CD300E: variants seen among roughly 807,000 people sequenced by gnomAD.
CD300E encodes CMRF35-like molecule 2.
A neutral mutation model predicts 20.9 loss-of-function variants in CD300E; 14 were observed. That is an observed-to-expected ratio of 0.67 (90% CI 0.44 to 1.05). CD300E has a LOEUF of 1.05. CD300E is among the 50% of genes least tolerant of loss of function. The pLI is 0.00. For synonymous variants in CD300E, 102 were observed against 103.7 expected (o/e 0.98, Z 0.10); for missense variants, 237 against 253.9 (o/e 0.93, Z 0.45).
At chr17:74,622,541 C>A (rs1035829884) in intron 1 of CD300E, among the ~76,000 whole-genome samples, 1 of 152,132 alleles carries the variant, frequency 6.6e-6, no homozygotes, top group African/African-American at 2.4e-5. Flanking sequence ...ATTCATTCTG[C>A]AAACATGAAG....
rs920016004 is a variant in CD300E, at chr17:74,612,509, A to G, written c.*144T>C. ...TGAGGACTCCAGAGGAGTGTCCTCT[A>G]AGAGCCAGGACCCTCCTTTGAGGCA... is the stretch of plus-strand genomic sequence containing the variant. On this transcript the variant is annotated 3_prime_UTR_variant, in exon 4 of 4. Transcript: ENST00000392619. The G allele has an allele frequency of 1.2e-5, 14 of 1,164,456 alleles. No homozygotes were observed. The South Asian group carries it at 1.3e-4, about 11-fold the overall frequency. 72.1% of individuals were successfully genotyped at this position (1,164,456 alleles called of 1,614,324 possible).
intron 2 of CD300E, among the ~76,000 whole-genome samples, chr17:74,614,364 C>A (rs1320328308): frequency 6.6e-6 from 1 of 152,000 alleles, no homozygotes; most frequent in Middle Eastern, 3.2e-3. Flanking sequence ...ATGTGGAGTT[C>A]CAGGAGGAGG....
At chr17:74,612,824 A>G (rs1467879476) in intron 3 of CD300E, 51 bp from the exon 4 acceptor site, 3 of 1,603,670 alleles carry the variant, frequency 1.9e-6, no homozygotes, top group Non-Finnish European at 2.6e-6. Context: ...AACCCCCAGG[A>G]CCCTTCTCTC....
Position 74,610,024 on chromosome 17 carries a change from G to T in CD300E, c.*2629C>A, listed in dbSNP as rs2030741308. ...ACTGTTTGTTTCTCCTGCACCTGCT[G>T]TCTGCCATCTGTCTACTCTTTCTTA... On this transcript the variant is annotated 3_prime_UTR_variant, in exon 4 of 4. Transcript: ENST00000392619. 1 of 152,316 alleles carries T rather than the reference G, an allele frequency of 6.6e-6. No individual in the cohort carries two copies. The highest frequency in any genetic ancestry group is 1.5e-5 in the Non-Finnish European group (1 of 68,040). The allele number at this position is 152,316 out of a possible 1,614,324, so 9.4% of individuals were successfully genotyped here. A position where few individuals can be genotyped will look rare whatever the true frequency, so the allele number is the denominator to read the frequency against.
chr17:74,623,054 CA>C (rs1487202165), intron 1 of CD300E, among the ~76,000 whole-genome samples: 1 of 152,212 alleles, frequency 6.6e-6, no homozygotes, highest in African/African-American at 2.4e-5. Flanking sequence ...TTATTTCTCA[CA>C]AACCATTCCA....
intron 1 of CD300E, 140 bp from the exon 2 acceptor site, chr17:74,617,605 G>C (rs948101025): frequency 2.8e-6 from 2 of 707,116 alleles, no homozygotes; most frequent in Non-Finnish European, 4.7e-6. Context: ...CTTGAGCTTA[G>C]GACCTAAGCC....
At chr17:74,617,026 G>T in intron 2 of CD300E, 92 bp downstream of exon 2, 1 of 1,094,080 alleles carries the variant, frequency 9.1e-7, no homozygotes, top group South Asian at 1.4e-5. Context: ...GACAAGACAA[G>T]ACTTGGACGC....
At chr17:74,618,953 T>C (rs961743437) in intron 1 of CD300E, 7 of 400,216 alleles carry the variant, frequency 1.7e-5, no homozygotes, top group South Asian at 1.1e-4. Flanking sequence ...GTCCTAATTC[T>C]CGTAAGAACC....
chr17:74,620,290 G>A (rs910645258), intron 1 of CD300E, among the ~76,000 whole-genome samples: 16 of 152,280 alleles, frequency 1.1e-4, no homozygotes, highest in African/African-American at 3.8e-4. Flanking sequence ...TGGCTAGCAT[G>A]GTGAAACCCC....
At chr17:74,618,459 G>A (rs114038996) in intron 1 of CD300E, among the ~76,000 whole-genome samples, 1,538 of 152,224 alleles carry the variant, frequency 0.01, 24 homozygotes, top group African/African-American at 0.034. Context: ...CAGGGGCCAC[G>A]GAAGCTTAAG....
At chr17:74,613,249 C>T (rs747350158) in intron 3 of CD300E, among the ~76,000 whole-genome samples, 27 of 152,278 alleles carry the variant, frequency 1.8e-4, no homozygotes, top group Non-Finnish European at 2.2e-4. Context: ...GGACTACAGG[C>T]GCACCACCAC....
intron 2 of CD300E, 60 bp from the exon 3 acceptor site, chr17:74,614,093 C>T: frequency 1.6e-6 from 2 of 1,269,522 alleles, no homozygotes; most frequent in Non-Finnish European, 2.3e-6. Context: ...GCACAGAACA[C>T]CCGTATGGAT....
At chr17:74,616,722 T>A (rs2143362436) in intron 2 of CD300E, among the ~76,000 whole-genome samples, 1 of 152,044 alleles carries the variant, frequency 6.6e-6, no homozygotes, top group Admixed American at 6.5e-5. Flanking sequence ...AACAGGAAGG[T>A]CTTCCCAAGC....
At chr17:74,616,692 T>A (rs934533838) in intron 2 of CD300E, among the ~76,000 whole-genome samples, 6 of 152,102 alleles carry the variant, frequency 3.9e-5, no homozygotes, top group Non-Finnish European at 7.4e-5. Context: ...AAAGAGTAGC[T>A]TCCACTCAAG....
intron 1 of CD300E, among the ~76,000 whole-genome samples, chr17:74,618,403 A>G (rs2030952108): frequency 6.6e-6 from 1 of 152,116 alleles, no homozygotes. Context: ...TGAGCTTTGC[A>G]CCCCCTCAGA....
chr17:74,612,900 A>C, intron 3 of CD300E, 127 bp from the exon 4 acceptor site: 1 of 1,302,974 alleles, frequency 7.7e-7, no homozygotes, highest in Non-Finnish European at 1.0e-6. Flanking sequence ...GAAAGGACCT[A>C]TGCCAGGGCA....
chr17:74,619,835 AC>A (rs1292441920), intron 1 of CD300E, among the ~76,000 whole-genome samples: 12 of 152,298 alleles, frequency 7.9e-5, no homozygotes, highest in Admixed American at 1.3e-4. Flanking sequence ...AGCCAAGCAA[AC>A]ATCAGTCCCT....
chr17:74,615,455 A>G (rs1267842334), intron 2 of CD300E, among the ~76,000 whole-genome samples: 1 of 150,298 alleles, frequency 6.7e-6, no homozygotes, highest in Non-Finnish European at 1.5e-5. Flanking sequence ...AAAGTTTGCA[A>G]GTGGAGAAGG....
chr17:74,612,389 C>T lies in CD300E; in HGVS notation c.*264G>A, dbSNP rs1445367660. The T allele has an allele frequency of 6.5e-6, 2 of 307,978 alleles. No individual in the cohort carries two copies. Among genetic ancestry groups the T allele is most frequent in the Non-Finnish European group, 1.2e-5 (2 of 164,220 alleles). The allele number at this position is 307,978 out of a possible 1,614,324, so 19.1% of individuals were successfully genotyped here. A position where few individuals can be genotyped will look rare whatever the true frequency, so the allele number is the denominator to read the frequency against. Reference sequence around the variant, plus strand: ...TATAGGCACTCGCTATGGTGCCCGGCCAACTTCCAGGGAATTCTTGCCCTT... The same window carrying T: ...TATAGGCACTCGCTATGGTGCCCGGTCAACTTCCAGGGAATTCTTGCCCTT... On this transcript the variant is annotated 3_prime_UTR_variant, in exon 4 of 4. Coordinates refer to ENST00000392619, the MANE Select transcript of CD300E (RefSeq NM_181449.3).
Sources: gnomAD v4.1 joint callset for allele counts (sites outside exome capture counted in the v4.1 genomes callset) on GRCh38, gnomAD v4.1.1 for gene constraint, MANE v1.5 for transcripts, NCBI Gene and HGNC (gene_info 2026-07-23, HGNC 2026-07-21) for gene names.